The following LCMT1 variants were observed in gnomAD, a reference collection of about 807,000 sequenced individuals.
LCMT1 encodes the protein [Phosphatase 2A protein]-leucine-carboxy methyltransferase 1.
In LCMT1, 32 loss-of-function variants were observed where a neutral mutation model predicts 47.7. That is an observed-to-expected ratio of 0.67 (90% CI 0.51 to 0.90). LCMT1 has a LOEUF of 0.90. Among genes scored for constraint, LCMT1 ranks in the 40% least tolerant of loss-of-function variants. The pLI, the probability that LCMT1 is intolerant of heterozygous loss-of-function variation, is 0.00. For missense variants in LCMT1, 375 were observed against 415.2 expected (o/e 0.90, Z 0.84); for synonymous variants, 152 against 149.7 (o/e 1.02, Z -0.11).
chr16:25,159,948 T>TA (rs1163611400), intron 5 of LCMT1, among the ~76,000 whole-genome samples: 6 of 126,876 alleles, frequency 4.7e-5, no homozygotes, highest in South Asian at 5.6e-4. Context: ...TTTCTTTCTT[T>TA]AAAAAAAAAT....
chr16:25,133,908 C>T (rs776684179), intron 3 of LCMT1, among the ~76,000 whole-genome samples: 1 of 151,300 alleles, frequency 6.6e-6, no homozygotes, highest in Non-Finnish European at 1.5e-5. Context: ...GGTGGGCACC[C>T]GTAATCCTAG....
rs899214786 is a variant in LCMT1 at position 25,177,132 on chromosome 16, A to T, written c.983-869A>T. 4.2e-5 allele frequency among the ~76,000 whole-genome samples: 4 copies of T among 94,560 alleles called. No homozygotes were observed. In the East Asian group the frequency reaches 1.1e-3, roughly 25 times the overall value. 62.0% of individuals were successfully genotyped at this position (94,560 alleles called of 152,430 possible). A position where few individuals can be genotyped will look rare whatever the true frequency, so the allele number is the denominator to read the frequency against. On this transcript the variant is annotated intron_variant, in intron 10 of 10. Coordinates refer to ENST00000399069, the MANE Select transcript of LCMT1 (RefSeq NM_016309.3). Reference sequence around the variant, plus strand: ...GAGGCAGAAGTTGCAGTGAGCTGAGATGGCACCACTGTACTCCAGCCTGGG... The same window carrying T: ...GAGGCAGAAGTTGCAGTGAGCTGAGTTGGCACCACTGTACTCCAGCCTGGG...
At position 25,111,743 on chromosome 16, in the gene LCMT1, T is replaced by C. The variant is rs1412225236; in HGVS notation, c.-141T>C. On this transcript the variant is annotated 5_prime_UTR_variant, in exon 1 of 11. Transcript: ENST00000399069. ...GCTGGGGTAGCCGGCGTGGGCGGCGTCACTGAGCCGCGCCAGCTGAGCCAG... is the reference window on the plus strand; with the variant it reads ...GCTGGGGTAGCCGGCGTGGGCGGCGCCACTGAGCCGCGCCAGCTGAGCCAG... 2.7e-5 allele frequency: 17 copies of C among 619,674 alleles called. No homozygotes were observed. The highest frequency in any genetic ancestry group is 4.4e-5 in the Non-Finnish European group (15 of 340,670). 38.4% of individuals were successfully genotyped at this position (619,674 alleles called of 1,614,324 possible).
intron 4 of LCMT1, chr16:25,146,785 G>A (rs1172864211): frequency 6.6e-6 from 1 of 152,226 alleles, no homozygotes; most frequent in African/African-American, 2.4e-5. Context: ...TTTCCCAAGG[G>A]CCTCAGGGAC....
At chr16:25,119,407 A>G (rs1410957453) in intron 1 of LCMT1, among the ~76,000 whole-genome samples, 2 of 151,992 alleles carry the variant, frequency 1.3e-5, no homozygotes, top group Non-Finnish European at 2.9e-5. Flanking sequence ...AGCACAGACC[A>G]TTCCTACCTT....
chr16:25,124,101 C>T lies in LCMT1; in HGVS notation c.114-4374C>T, dbSNP rs548574866. On this transcript the variant is annotated intron_variant, in intron 1 of 10. Coordinates refer to ENST00000399069, the MANE Select transcript of LCMT1 (RefSeq NM_016309.3). ...GAGGGAAGAAGAAAAAGAAAGAATCCTAGGAAAGGACATCTGTCTCTCAAG... is the reference window on the plus strand; with the variant it reads ...GAGGGAAGAAGAAAAAGAAAGAATCTTAGGAAAGGACATCTGTCTCTCAAG... Among the ~76,000 whole-genome samples, 13 of 152,228 alleles carry T rather than the reference C, an allele frequency of 8.5e-5. No homozygotes were observed. In the South Asian group the frequency reaches 2.5e-3, roughly 29 times the overall value.
chr16:25,164,823 C>T (rs927530087), intron 7 of LCMT1, 105 bp downstream of exon 7: 5 of 1,465,564 alleles, frequency 3.4e-6, no homozygotes, highest in Non-Finnish European at 4.7e-6. Flanking sequence ...CCTTCTGCCT[C>T]CAGCCTCTCA....
At chr16:25,144,788 A>T (rs991671930) in intron 4 of LCMT1, 4 of 152,108 alleles carry the variant, frequency 2.6e-5, no homozygotes, top group Admixed American at 2.6e-4. Flanking sequence ...CTTCTGTGCA[A>T]CTGGATTTGT....
Position 25,132,816 on chromosome 16 carries a change from A to G in LCMT1, c.327+293A>G, listed in dbSNP as rs542386889. On this transcript the variant is annotated intron_variant, in intron 3 of 10. Transcript: ENST00000399069. ...ATATGTCAGGAGGAGAAATTCTACC[A>G]GTAGAATTGCTGGAATGGAGAGCTC... 7.9e-5 allele frequency among the ~76,000 whole-genome samples: 12 copies of G among 151,664 alleles called. No homozygotes were observed. The South Asian group carries it at 2.1e-3, about 26-fold the overall frequency.
chr16:25,145,185 C>A (rs1411062312), intron 4 of LCMT1: 5 of 152,250 alleles, frequency 3.3e-5, no homozygotes, highest in African/African-American at 1.2e-4. Flanking sequence ...CAGAATGAAC[C>A]CCAGATATCG....
intron 10 of LCMT1, 58 bp downstream of exon 10, chr16:25,175,092 A>G (rs1030178692): frequency 5.7e-6 from 5 of 882,732 alleles, no homozygotes; most frequent in African/African-American, 1.7e-5. Context: ...TCTTTTTCCT[A>G]TTCTTTCCCT....
intron 9 of LCMT1, 87 bp from the exon 10 acceptor site, chr16:25,174,850 A>G: frequency 1.7e-6 from 1 of 584,952 alleles, no homozygotes; most frequent in Non-Finnish European, 2.9e-6. Context: ...ATCTATCATA[A>G]ACATTTTTTC....
At chr16:25,134,561 C>T (rs1335606308) in intron 3 of LCMT1, among the ~76,000 whole-genome samples, 1 of 152,078 alleles carries the variant, frequency 6.6e-6, no homozygotes, top group Non-Finnish European at 1.5e-5. Context: ...GGAGGGTGAC[C>T]TTCCCTTTTC....
At chr16:25,154,637 C>T (rs1961185128) in intron 5 of LCMT1, among the ~76,000 whole-genome samples, 1 of 151,860 alleles carries the variant, frequency 6.6e-6, no homozygotes, top group Admixed American at 6.6e-5. Flanking sequence ...CAGGTGCCCG[C>T]CACCACGCCC....
intron 9 of LCMT1, among the ~76,000 whole-genome samples, chr16:25,172,775 C>A (rs764436615): frequency 1.1e-4 from 17 of 152,250 alleles, no homozygotes; most frequent in Non-Finnish European, 2.4e-4. Flanking sequence ...CTGGATTCTT[C>A]CAGAAGCATC....
At chr16:25,130,940 G>C (rs1350079523) in intron 2 of LCMT1, among the ~76,000 whole-genome samples, 1 of 152,206 alleles carries the variant, frequency 6.6e-6, no homozygotes, top group African/African-American at 2.4e-5. Context: ...TAGTCATTCA[G>C]CTCCATTCTG....
chr16:25,151,533 C>T (rs185131582), intron 4 of LCMT1, 21 bp from the exon 5 acceptor site: 2 of 1,603,404 alleles, frequency 1.2e-6, no homozygotes, highest in Admixed American at 3.4e-5. Flanking sequence ...CATTTTTCTC[C>T]TCTTTCCCAT....
intron 2 of LCMT1, among the ~76,000 whole-genome samples, chr16:25,129,537 A>G (rs1960290186): frequency 6.6e-6 from 1 of 152,208 alleles, no homozygotes; most frequent in Non-Finnish European, 1.5e-5. Context: ...CCCTATCAGG[A>G]ATCACTTTTT....
intron 1 of LCMT1, among the ~76,000 whole-genome samples, chr16:25,123,356 C>G (rs749038084): frequency 4.6e-5 from 7 of 150,778 alleles, no homozygotes; most frequent in African/African-American, 7.3e-5. Context: ...TCTTGAGAAG[C>G]TGGGTTTACA....
Sources: gnomAD v4.1 joint callset for allele counts (sites outside exome capture counted in the v4.1 genomes callset) on GRCh38, gnomAD v4.1.1 for gene constraint, MANE v1.5 for transcripts, NCBI Gene and HGNC (gene_info 2026-07-23, HGNC 2026-07-21) for gene names.